Variants in UNC79 observed in about 807,000 individuals in gnomAD.
The protein encoded by UNC79 is protein unc-79 homolog.
Under a neutral mutation model 283.1 loss-of-function variants are expected in UNC79, and 37 were observed. That is an observed-to-expected ratio of 0.13 (90% CI 0.10 to 0.17). The LOEUF (loss-of-function observed/expected upper bound fraction) is 0.17. UNC79 is among the 10% of genes least tolerant of loss of function. UNC79 has a pLI of 1.00. For synonymous variants in UNC79, 1,107 were observed against 1,200.2 expected, an observed-to-expected ratio of 0.92 and a Z score of 1.61; for missense variants, 2,272 against 3,211.1, an observed-to-expected ratio of 0.71 and a Z score of 7.07.
At chr14:93,416,647 T>C (rs1457362815) in intron 1 of UNC79, among the ~76,000 whole-genome samples, 1 of 152,170 alleles carries the variant, frequency 6.6e-6, no homozygotes, top group East Asian at 1.9e-4. Flanking sequence ...TATTATTGTG[T>C]GGGAGTCTAA....
chr14:93,598,365 CGTGTGTGTGTGT>C (rs71301930), intron 24 of UNC79, among the ~76,000 whole-genome samples: 9 of 64,088 alleles, frequency 1.4e-4, no homozygotes, highest in East Asian at 1.3e-3. Context: ...TATTGCATAA[CGTGTGTGTGTGT>C]GTGTGTGTGT....
At chr14:93,497,261 C>T (rs755787045) in exon 7 of UNC79, 18 of 1,612,998 alleles carry the variant, frequency 1.1e-5, no homozygotes, top group Middle Eastern at 1.8e-4. Flanking sequence ...GGGCAATAAG[C>T]GAGTACAGGG....
At chr14:93,407,694 G>T (rs2055254795) in intron 1 of UNC79, among the ~76,000 whole-genome samples, 3 of 152,116 alleles carry the variant, frequency 2.0e-5, no homozygotes, top group African/African-American at 7.2e-5. Context: ...AAACTATTTG[G>T]AAGGTCTCAG....
At chr14:93,662,181 G>A (rs1341468337) in intron 39 of UNC79, among the ~76,000 whole-genome samples, 1 of 152,134 alleles carries the variant, frequency 6.6e-6, no homozygotes, top group Non-Finnish European at 1.5e-5. Flanking sequence ...GTACTTACAC[G>A]TAAGGGTGGT....
At chr14:93,347,394 G>C in intron 1 of UNC79, 4 of 1,522,752 alleles carry the variant, frequency 2.6e-6, no homozygotes, top group Non-Finnish European at 2.6e-6. Flanking sequence ...TGTCTGCCGC[G>C]GTGAGTTGAG....
At chr14:93,391,543 TA>T (rs1187340224) in intron 1 of UNC79, among the ~76,000 whole-genome samples, 1 of 152,232 alleles carries the variant, frequency 6.6e-6, no homozygotes, top group Non-Finnish European at 1.5e-5. Context: ...AAAGGTAGGC[TA>T]CAGAATGGTA....
chr14:93,368,474 C>T (rs1443626952), intron 1 of UNC79, among the ~76,000 whole-genome samples: 2 of 151,036 alleles, frequency 1.3e-5, no homozygotes, highest in Non-Finnish European at 3.0e-5. Context: ...AGAAAAAATG[C>T]CATTTTCTTT....
chr14:93,565,350 C>T (rs556988287), intron 14 of UNC79, among the ~76,000 whole-genome samples: 1 of 152,276 alleles, frequency 6.6e-6, no homozygotes, highest in East Asian at 1.9e-4. Flanking sequence ...AAGTATTTGA[C>T]CTATGACCCA....
chr14:93,347,699 T>C lies in UNC79; in HGVS notation c.-351+14176T>C, dbSNP rs2295703. 3.9e-4 allele frequency among the ~76,000 whole-genome samples: 60 copies of C among 152,142 alleles called. 3 individuals carry two copies. The East Asian group carries it at 0.012, about 30-fold the overall frequency. Reference sequence around the variant, plus strand: ...GGCACCTGGCTCGGGGGCGGGGCTGTGGTTTCGCGGAGGAATGATTTACCA... The same window carrying C: ...GGCACCTGGCTCGGGGGCGGGGCTGCGGTTTCGCGGAGGAATGATTTACCA... On this transcript the variant is annotated intron_variant, in intron 1 of 49. Coordinates refer to the UNC79 transcript ENST00000256339.
At position 93,644,715 on chromosome 14, in the gene UNC79, A is replaced by T. The variant is rs181112621; in HGVS notation, c.6044+1018A>T. ...AAAGAGAATGACTCTTAATGTTGCT[A>T]AAATTTAATCCTTTTTTAAAAATGA... On this transcript the variant is annotated intron_variant, in intron 34 of 48. Transcript: ENST00000555664. 1.7e-3 allele frequency among the ~76,000 whole-genome samples: 264 copies of T among 152,350 alleles called. 2 individuals are homozygous for T. The highest frequency in any genetic ancestry group is 0.013 in the Admixed American group (205 of 15,298).
At chr14:93,356,439 G>T (rs1166234419) in intron 1 of UNC79, among the ~76,000 whole-genome samples, 2 of 152,160 alleles carry the variant, frequency 1.3e-5, no homozygotes, top group Non-Finnish European at 2.9e-5. Flanking sequence ...TGTACTCTGG[G>T]CTCCAATCTC....
intron 40 of UNC79, among the ~76,000 whole-genome samples, chr14:93,672,258 A>G (rs2072942382): frequency 6.6e-6 from 1 of 152,260 alleles, no homozygotes; most frequent in Non-Finnish European, 1.5e-5. Flanking sequence ...CAGTATTCAC[A>G]ATAGCAAGAG....
intron 26 of UNC79, among the ~76,000 whole-genome samples, chr14:93,604,663 T>A (rs2065757819): frequency 6.6e-6 from 1 of 152,250 alleles, no homozygotes; most frequent in South Asian, 2.1e-4. Context: ...TTGTTATTTC[T>A]TGTTCATTAA....
At chr14:93,452,416 T>C (rs1177929416) in intron 1 of UNC79, among the ~76,000 whole-genome samples, 1 of 149,564 alleles carries the variant, frequency 6.7e-6, no homozygotes, top group Non-Finnish European at 1.5e-5. Context: ...GTTTTGCTCT[T>C]GTCACCCAGG....
intron 1 of UNC79, among the ~76,000 whole-genome samples, chr14:93,335,954 C>G (rs1277003409): frequency 1.3e-5 from 2 of 152,180 alleles, no homozygotes; most frequent in African/African-American, 4.8e-5. Flanking sequence ...GTTCCTTTCT[C>G]CACTCCCTCC....
chr14:93,364,203 A>G (rs1467572930), intron 1 of UNC79, among the ~76,000 whole-genome samples: 1 of 152,192 alleles, frequency 6.6e-6, no homozygotes, highest in Non-Finnish European at 1.5e-5. Flanking sequence ...TCCCAGAGCA[A>G]GAAACAGAAC....
At position 93,688,409 on chromosome 14, in the gene UNC79, CAGAG is replaced by C. The variant is rs373570401; in HGVS notation, c.6910-253_6910-250del. Among the ~76,000 whole-genome samples, 950 of 152,128 alleles carry C rather than the reference CAGAG, an allele frequency of 6.2e-3. 11 individuals carry two copies. Among genetic ancestry groups the C allele is most frequent in the African/African-American group, 0.022 (902 of 41,498 alleles). Reference sequence around the variant, plus strand: ...AAGGGAATAGCAGCAGGGGGGAACACAGAGAGCCAACACAGCTGGAGCTGCAGGC... The same window carrying C: ...AAGGGAATAGCAGCAGGGGGGAACACAGCCAACACAGCTGGAGCTGCAGGC... On this transcript the variant is annotated intron_variant, in intron 43 of 48. Coordinates refer to ENST00000555664, the Ensembl canonical transcript of UNC79. This position sits in a 1 kb window ranked among gnomAD's most constrained non-coding sequence, Gnocchi z 4.0.
At chr14:93,583,434 G>C (rs1297741381) in intron 20 of UNC79, among the ~76,000 whole-genome samples, 1 of 152,206 alleles carries the variant, frequency 6.6e-6, no homozygotes, top group East Asian at 1.9e-4. Context: ...ATTATTAGGG[G>C]ACTGTTTTCT....
At chr14:93,585,879 C>G (rs904352509) in intron 20 of UNC79, among the ~76,000 whole-genome samples, 4 of 135,738 alleles carry the variant, frequency 2.9e-5, no homozygotes, top group Non-Finnish European at 5.0e-5. Flanking sequence ...ACCTCTCTCT[C>G]TCTCTTTTTT....
Sources: allele counts gnomAD v4.1 joint callset (sites outside exome capture counted in the v4.1 genomes callset), GRCh38; gene constraint gnomAD v4.1.1; non-coding constraint Gnocchi (gnomAD v3.1); transcripts MANE v1.5; gene names NCBI Gene and HGNC (gene_info 2026-07-23, HGNC 2026-07-21).